The following CNTN5 variants were observed in gnomAD, a reference collection of about 807,000 sequenced individuals.
CNTN5 encodes the protein contactin-5.
A neutral mutation model predicts 129.1 loss-of-function variants in CNTN5; 77 were observed. That is an observed-to-expected ratio of 0.60 (90% CI 0.50 to 0.72). The LOEUF (loss-of-function observed/expected upper bound fraction) is 0.72, where lower values mean the gene tolerates loss of function less well. Ranked by LOEUF, CNTN5 falls within the 30% of genes least tolerant of loss-of-function variation. CNTN5 has a pLI of 0.00. For synonymous variants in CNTN5, 509 were observed against 465.6 expected, an observed-to-expected ratio of 1.09 and a Z score of -1.20; for missense variants, 1,478 against 1,328.8, an observed-to-expected ratio of 1.11 and a Z score of -1.75.
rs553582717 is a variant in CNTN5 at position 99,421,936 on chromosome 11, G to C, written c.-71+96452G>C. Among the ~76,000 whole-genome samples the C allele has an allele frequency of 3.9e-5, 6 of 152,200 alleles. No homozygotes were observed. In the South Asian group the frequency reaches 1.2e-3, roughly 32 times the overall value. On this transcript the variant is annotated intron_variant, in intron 2 of 24. Coordinates refer to ENST00000524871, the MANE Select transcript of CNTN5 (RefSeq NM_014361.4). ...ATTTTACATGCATCACAAATTTTCA[G>C]AGTCAAATTTTGTGGTAATGTCAAC...
At chr11:99,569,727 A>G (rs1051220338) in intron 3 of CNTN5, among the ~76,000 whole-genome samples, 3 of 152,166 alleles carry the variant, frequency 2.0e-5, no homozygotes, top group African/African-American at 7.2e-5. Context: ...ATGAAAAGAA[A>G]TATTTACTTT....
At chr11:99,807,876 C>T (rs185940232) in intron 3 of CNTN5, among the ~76,000 whole-genome samples, 19 of 152,016 alleles carry the variant, frequency 1.2e-4, no homozygotes, top group Admixed American at 5.2e-4. Context: ...TTCTGTAGTG[C>T]GCATATATTT....
chr11:99,731,391 C>G (rs1943528931), intron 3 of CNTN5, among the ~76,000 whole-genome samples: 1 of 152,074 alleles, frequency 6.6e-6, no homozygotes, highest in African/African-American at 2.4e-5. Context: ...TTCTTTTATA[C>G]TGAAAAGAAG....
intron 2 of CNTN5, among the ~76,000 whole-genome samples, chr11:99,471,473 C>G (rs573868687): frequency 1.3e-5 from 2 of 152,214 alleles, no homozygotes; most frequent in East Asian, 3.9e-4. Context: ...CTAAATTTGT[C>G]ATTCCATCAG....
chr11:99,284,270 C>T lies in CNTN5; in HGVS notation c.-209-41076C>T, dbSNP rs559353897. 3.0e-4 allele frequency among the ~76,000 whole-genome samples: 46 copies of T among 152,126 alleles called. 1 individual carries two copies. In the Middle Eastern group the frequency reaches 0.01, roughly 34 times the overall value. On this transcript the variant is annotated intron_variant, in intron 1 of 24. Coordinates refer to ENST00000524871, the MANE Select transcript of CNTN5 (RefSeq NM_014361.4). ...ACATAATGGAATTTAAACACACACA[C>T]GTACACACATGCACACAAATGCACA...
chr11:100,090,881 A>G (rs1384695138), intron 13 of CNTN5, among the ~76,000 whole-genome samples: 2 of 152,030 alleles, frequency 1.3e-5, no homozygotes, highest in Non-Finnish European at 2.9e-5. Context: ...ACTTTACCCC[A>G]ATAGCCTAAG....
intron 1 of CNTN5, among the ~76,000 whole-genome samples, chr11:99,204,943 T>A (rs535724527): frequency 6.6e-6 from 1 of 152,316 alleles, no homozygotes; most frequent in African/African-American, 2.4e-5. Context: ...AAAATATTGA[T>A]CCGAGTGTTG....
intron 16 of CNTN5, among the ~76,000 whole-genome samples, chr11:100,228,141 A>C (rs1949416618): frequency 1.3e-5 from 2 of 152,196 alleles, no homozygotes; most frequent in Non-Finnish European, 1.5e-5. Context: ...TCACTTTCTC[A>C]TACAACTTCT....
chr11:99,756,120 A>G (rs1565494737), intron 3 of CNTN5, among the ~76,000 whole-genome samples: 1 of 152,126 alleles, frequency 6.6e-6, no homozygotes, highest in African/African-American at 2.4e-5. Context: ...CTATTAAAGT[A>G]TGAGAAACAA....
chr11:99,872,900 A>G lies in CNTN5; in HGVS notation c.577+27638A>G, dbSNP rs1485244986. 5.9e-5 allele frequency among the ~76,000 whole-genome samples: 9 copies of G among 152,294 alleles called. No individual in the cohort carries two copies. The East Asian group carries it at 1.7e-3, about 29-fold the overall frequency. On this transcript the variant is annotated intron_variant, in intron 6 of 24. Coordinates refer to ENST00000524871, the MANE Select transcript of CNTN5 (RefSeq NM_014361.4). ...ATTTTCATAAATCATCTAAAAAATA[A>G]GAATAACTCTATATAGCTAACCAAC... is the stretch of plus-strand genomic sequence containing the variant.
Position 100,007,665 on chromosome 11 carries a change from A to T in CNTN5, c.980+5529A>T, listed in dbSNP as rs551554732. ...GTGAGTTAGGTTTTGGCTTCAGGGA[A>T]TGTTGTGGCTGGTTTGATCTACCCA... On this transcript the variant is annotated intron_variant, in intron 9 of 24. Coordinates refer to ENST00000524871, the MANE Select transcript of CNTN5 (RefSeq NM_014361.4). Among the ~76,000 whole-genome samples the T allele has an allele frequency of 2.0e-5, 3 of 152,194 alleles. No individual in the cohort carries two copies. The East Asian group carries it at 5.8e-4, about 29-fold the overall frequency.
chr11:99,316,944 C>A (rs1865368408), intron 1 of CNTN5, among the ~76,000 whole-genome samples: 1 of 152,084 alleles, frequency 6.6e-6, no homozygotes, highest in Admixed American at 6.6e-5. Flanking sequence ...ACATTTGTAC[C>A]TCGACACCAG....
intron 3 of CNTN5, among the ~76,000 whole-genome samples, chr11:99,778,708 G>T (rs1207804886): frequency 6.6e-6 from 1 of 151,500 alleles, no homozygotes; most frequent in Admixed American, 6.6e-5. Context: ...CCAAGGACAA[G>T]TAATAAACTA....
chr11:99,633,469 C>G (rs751165836), intron 3 of CNTN5, among the ~76,000 whole-genome samples: 5 of 152,050 alleles, frequency 3.3e-5, no homozygotes, highest in Non-Finnish European at 1.5e-5. Context: ...TTGGATATTG[C>G]GATACATATT....
At chr11:99,477,877 A>T (rs544390930) in intron 2 of CNTN5, among the ~76,000 whole-genome samples, 1 of 152,272 alleles carries the variant, frequency 6.6e-6, no homozygotes, top group African/African-American at 2.4e-5. Context: ...TAAAATTGCT[A>T]AATATTGGAG....
At chr11:99,789,757 T>C (rs1945671714) in intron 3 of CNTN5, among the ~76,000 whole-genome samples, 1 of 152,010 alleles carries the variant, frequency 6.6e-6, no homozygotes, top group African/African-American at 2.4e-5. Flanking sequence ...ATTCCTTGAT[T>C]GAGATGAGAA....
intron 1 of CNTN5, among the ~76,000 whole-genome samples, chr11:99,201,399 C>CTT (rs1859197041): frequency 9.3e-6 from 1 of 107,016 alleles, no homozygotes; most frequent in African/African-American, 3.8e-5. Context: ...TCCTTCCTTC[C>CTT]CTTCTTTCTT....
chr11:99,872,026 A>G (rs1948515670), intron 6 of CNTN5, among the ~76,000 whole-genome samples: 1 of 151,912 alleles, frequency 6.6e-6, no homozygotes, highest in African/African-American at 2.4e-5. Context: ...ATGGTTATGC[A>G]CAGTAAAACA....
At chr11:99,880,727 A>C (rs955878171) in intron 6 of CNTN5, among the ~76,000 whole-genome samples, 3 of 152,192 alleles carry the variant, frequency 2.0e-5, no homozygotes, top group African/African-American at 7.2e-5. Context: ...TAATTTGTTT[A>C]AATCACCTTC....
Sources: allele counts gnomAD v4.1 joint callset (sites outside exome capture counted in the v4.1 genomes callset), GRCh38; gene constraint gnomAD v4.1.1; transcripts MANE v1.5; gene names NCBI Gene and HGNC (gene_info 2026-07-23, HGNC 2026-07-21).